CALD1: variants seen among roughly 807,000 people sequenced by gnomAD.
CALD1 encodes the protein caldesmon 1.
In CALD1, 33 loss-of-function variants were observed where a neutral mutation model predicts 99.9. That is an observed-to-expected ratio of 0.33 (90% CI 0.25 to 0.44). The LOEUF (loss-of-function observed/expected upper bound fraction) is 0.44. Among genes scored for constraint, CALD1 ranks in the 20% least tolerant of loss-of-function variants. The pLI is 1.00. For synonymous variants in CALD1, 310 were observed against 325.0 expected (o/e 0.95, Z 0.50); for missense variants, 861 against 962.1 (o/e 0.89, Z 1.39).
At chr7:134,743,819 T>G (rs1229359679), upstream of CALD1, among the ~76,000 whole-genome samples, 1 of 152,240 alleles carries the variant, frequency 6.6e-6, no homozygotes, top group Non-Finnish European at 1.5e-5. Flanking sequence ...ATATAAGACT[T>G]AAATCTAGTT....
intron 13 of CALD1, 113 bp from the exon 14 acceptor site, chr7:134,965,193 T>C: frequency 1.4e-6 from 1 of 691,572 alleles, no homozygotes; most frequent in Non-Finnish European, 2.7e-6. Context: ...TGGGGTAAAG[T>C]GTATTAAACA....
intron 3 of CALD1, among the ~76,000 whole-genome samples, chr7:134,914,182 T>C (rs890794406): frequency 1.3e-5 from 2 of 152,140 alleles, no homozygotes; most frequent in Non-Finnish European, 2.9e-5. Context: ...AAAATCCAAT[T>C]TAATACGAGG....
intron 3 of CALD1, among the ~76,000 whole-genome samples, chr7:134,927,101 G>C (rs1190721574): frequency 2.0e-5 from 3 of 152,114 alleles, no homozygotes; most frequent in African/African-American, 7.2e-5. Context: ...CATCAAGCCA[G>C]CACCCATCCT....
chr7:134,785,890 T>C (rs1254125847), intron 1 of CALD1, among the ~76,000 whole-genome samples: 1 of 152,234 alleles, frequency 6.6e-6, no homozygotes, highest in East Asian at 1.9e-4. Flanking sequence ...ACTGAATATA[T>C]AAATTCATAG....
At chr7:134,833,696 C>T (rs1799319148) in intron 1 of CALD1, among the ~76,000 whole-genome samples, 1 of 152,202 alleles carries the variant, frequency 6.6e-6, no homozygotes, top group Admixed American at 6.5e-5. Context: ...CTATGCTAGA[C>T]ACTGGGGATA....
At chr7:134,908,634 G>T (rs1327306140) in intron 3 of CALD1, among the ~76,000 whole-genome samples, 2 of 152,092 alleles carry the variant, frequency 1.3e-5, no homozygotes, top group Admixed American at 6.6e-5. Flanking sequence ...TAATTGATTT[G>T]GGGCATGGCC....
chr7:134,846,490 C>T (rs1288689614), intron 2 of CALD1, among the ~76,000 whole-genome samples: 2 of 152,240 alleles, frequency 1.3e-5, no homozygotes. Context: ...ATATTTACCC[C>T]TGGGCTGAAT....
At chr7:134,855,659 A>C (rs2132246995) in intron 2 of CALD1, among the ~76,000 whole-genome samples, 1 of 152,342 alleles carries the variant, frequency 6.6e-6, no homozygotes, top group South Asian at 2.1e-4. Context: ...AACTGTTTAT[A>C]TTCGGCTGCA....
At chr7:134,756,105 C>T (rs888715890) in intron 1 of CALD1, among the ~76,000 whole-genome samples, 7 of 151,564 alleles carry the variant, frequency 4.6e-5, no homozygotes, top group African/African-American at 1.7e-4. Context: ...TGGCCAGACT[C>T]GTCTTGAACT....
At chr7:134,778,924 G>A (rs1796994740), upstream of CALD1, among the ~76,000 whole-genome samples, 1 of 152,142 alleles carries the variant, frequency 6.6e-6, no homozygotes, top group Non-Finnish European at 1.5e-5. Context: ...GTTTATTCTG[G>A]CCAGTATTAC....
chr7:134,949,515 G>A (rs559324883), intron 8 of CALD1, among the ~76,000 whole-genome samples: 5 of 152,098 alleles, frequency 3.3e-5, no homozygotes, highest in Non-Finnish European at 7.4e-5. Flanking sequence ...ATGGTTCAAC[G>A]TCTAGAGCAT....
chr7:134,873,308 C>T (rs1441690943), intron 3 of CALD1, among the ~76,000 whole-genome samples: 1 of 152,114 alleles, frequency 6.6e-6, no homozygotes, highest in East Asian at 1.9e-4. Context: ...TTCCTTGGTG[C>T]ACCTTCATGT....
intron 3 of CALD1, among the ~76,000 whole-genome samples, chr7:134,875,994 C>T (rs1801331367): frequency 6.6e-6 from 1 of 152,200 alleles, no homozygotes; most frequent in Non-Finnish European, 1.5e-5. Flanking sequence ...GACTTAGTCA[C>T]ATCATCACTC....
intron 4 of CALD1, among the ~76,000 whole-genome samples, chr7:134,930,104 T>C (rs185160185): frequency 7.7e-4 from 117 of 152,256 alleles, no homozygotes; most frequent in Admixed American, 2.2e-3. Flanking sequence ...TTCAACAAGA[T>C]ACAGAATTCC....
chr7:134,830,050 T>C (rs932368647), intron 1 of CALD1, among the ~76,000 whole-genome samples: 3 of 151,924 alleles, frequency 2.0e-5, no homozygotes, highest in African/African-American at 7.3e-5. Flanking sequence ...ACAAGGACTG[T>C]GTTCAATTCT....
intron 6 of CALD1, among the ~76,000 whole-genome samples, chr7:134,937,442 G>T (rs890470649): frequency 1.2e-4 from 18 of 151,866 alleles, no homozygotes; most frequent in African/African-American, 4.4e-4. Context: ...ACTCAAACTG[G>T]TTTTTTTAAA....
chr7:134,861,238 C>T (rs1800550529), intron 2 of CALD1, among the ~76,000 whole-genome samples: 1 of 143,390 alleles, frequency 7.0e-6, no homozygotes, highest in South Asian at 2.1e-4. Flanking sequence ...GAGCTTCAGT[C>T]TCAGTCTCCT....
intron 1 of CALD1, among the ~76,000 whole-genome samples, chr7:134,827,100 C>A (rs1451053547): frequency 6.6e-6 from 1 of 152,170 alleles, no homozygotes; most frequent in East Asian, 1.9e-4. Flanking sequence ...GGCCATTCAA[C>A]TTTTACAACC....
intron 3 of CALD1, among the ~76,000 whole-genome samples, chr7:134,878,540 GCCTGGGTGATAGAGCGAGAC>G (rs1173798142): frequency 6.6e-6 from 1 of 152,172 alleles, no homozygotes; most frequent in Non-Finnish European, 1.5e-5. Context: ...CTGCATTCCA[GCCTGGGTGATAGAGCGAGAC>G]CCTGCCTCAA....
Sources: gnomAD v4.1 joint callset for allele counts (sites outside exome capture counted in the v4.1 genomes callset) on GRCh38, gnomAD v4.1.1 for gene constraint, MANE v1.5 for transcripts, NCBI Gene and HGNC (gene_info 2026-07-23, HGNC 2026-07-21) for gene names.